SLIT2: variants seen among roughly 807,000 people sequenced by gnomAD.
The protein encoded by SLIT2 is slit homolog 2 protein.
In SLIT2, 41 loss-of-function variants were observed where a neutral mutation model predicts 185.7. The ratio of observed to expected loss-of-function variants is 0.22; its 90% confidence interval spans 0.17 to 0.29. The LOEUF (loss-of-function observed/expected upper bound fraction) is 0.29. Among genes scored for constraint, SLIT2 ranks in the 10% least tolerant of loss-of-function variants. The pLI is 1.00. For synonymous variants in SLIT2, 693 were observed against 680.2 expected (o/e 1.02, Z -0.29); for missense variants, 1,571 against 1,909.0 (o/e 0.82, Z 3.30).
At chr4:20,519,276 T>TATTG in intron 11 of SLIT2, 106 bp from the exon 12 acceptor site, 1 of 674,276 alleles carries the variant, frequency 1.5e-6, no homozygotes, top group Non-Finnish European at 2.6e-6. Flanking sequence ...TTTTATGATG[T>TATTG]ATTGATTGCC....
At chr4:20,416,663 C>T (rs1264923417) in intron 4 of SLIT2, among the ~76,000 whole-genome samples, 2 of 152,060 alleles carry the variant, frequency 1.3e-5, no homozygotes, top group African/African-American at 4.8e-5. Context: ...AAAGTGCTTA[C>T]TCTGGTGTGC....
At chr4:20,260,297 C>T (rs1712315653) in intron 3 of SLIT2, among the ~76,000 whole-genome samples, 1 of 151,408 alleles carries the variant, frequency 6.6e-6, no homozygotes, top group Non-Finnish European at 1.5e-5. Flanking sequence ...AATAAATTAG[C>T]TTTTTATTAT....
At chr4:20,343,558 C>T (rs2109240036) in intron 4 of SLIT2, among the ~76,000 whole-genome samples, 1 of 151,962 alleles carries the variant, frequency 6.6e-6, no homozygotes, top group South Asian at 2.1e-4. Flanking sequence ...CTGGAGGGCA[C>T]CGACAGCATC....
intron 4 of SLIT2, among the ~76,000 whole-genome samples, chr4:20,332,559 A>T (rs1276684306): frequency 6.6e-6 from 1 of 152,162 alleles, no homozygotes; most frequent in Non-Finnish European, 1.5e-5. Context: ...GCAGGCACCT[A>T]TAATTCCACC....
At chr4:20,532,127 CTTAGAAAA>C in intron 17 of SLIT2, 69 bp downstream of exon 17, 2 of 878,946 alleles carry the variant, frequency 2.3e-6, no homozygotes, top group South Asian at 3.4e-5. Flanking sequence ...AGTTAAGTTT[CTTAGAAAA>C]TTAGAAAATA....
chr4:20,558,420 A>C (rs535105073), intron 26 of SLIT2, among the ~76,000 whole-genome samples: 1 of 152,228 alleles, frequency 6.6e-6, no homozygotes, highest in Admixed American at 6.5e-5. Flanking sequence ...CTGAAGGCTC[A>C]GATGATCATT....
intron 2 of SLIT2, 69 bp downstream of exon 2, chr4:20,256,812 GT>G: frequency 1.4e-6 from 1 of 714,514 alleles, no homozygotes; most frequent in Non-Finnish European, 2.4e-6. Flanking sequence ...ACTGGCCTCA[GT>G]TTTTATGACT....
At chr4:20,534,881 T>G (rs1182074399) in intron 18 of SLIT2, among the ~76,000 whole-genome samples, 1 of 152,112 alleles carries the variant, frequency 6.6e-6, no homozygotes, top group Non-Finnish European at 1.5e-5. Context: ...TTCCTTGAGT[T>G]TTGCAGGAAT....
chr4:20,589,793 G>C, intron 30 of SLIT2, 56 bp downstream of exon 30: 1 of 1,223,340 alleles, frequency 8.2e-7, no homozygotes, highest in Non-Finnish European at 1.2e-6. Context: ...CATTATTTTA[G>C]GAGCCCTTCT....
In SLIT2 at chr4:20,254,135, T is replaced by C. The variant is rs1232920151; in HGVS notation, c.179+141T>C. Reference sequence around the variant, plus strand: ...CCCCATGCACATCCTGGGGTTGAGCTCTCCGGGAGGGCACTGGCCAGGGAA... The same window carrying C: ...CCCCATGCACATCCTGGGGTTGAGCCCTCCGGGAGGGCACTGGCCAGGGAA... On this transcript the variant is annotated intron_variant, in intron 1 of 36. Transcript: ENST00000504154. This position sits in a 1 kb window ranked among gnomAD's most constrained non-coding sequence, Gnocchi z 5.1. 4.7e-6 allele frequency: 4 copies of C among 850,534 alleles called. No individual in the cohort carries two copies. The highest frequency in any genetic ancestry group is 1.7e-5 in the South Asian group (1 of 58,262). The allele number at this position is 850,534 out of a possible 1,614,324, so 52.7% of individuals were successfully genotyped here. A position where few individuals can be genotyped will look rare whatever the true frequency, so the allele number is the denominator to read the frequency against.
At chr4:20,506,793 C>G (rs1044302503) in intron 9 of SLIT2, among the ~76,000 whole-genome samples, 2 of 151,932 alleles carry the variant, frequency 1.3e-5, no homozygotes, top group Non-Finnish European at 2.9e-5. Context: ...TGTTTGACAT[C>G]TGTCCATGGT....
At chr4:20,357,328 C>T (rs959732216) in intron 4 of SLIT2, among the ~76,000 whole-genome samples, 2 of 152,034 alleles carry the variant, frequency 1.3e-5, no homozygotes, top group African/African-American at 4.8e-5. Flanking sequence ...GTTTGTTAGT[C>T]CTAAGAGGCT....
At chr4:20,256,540 C>G (rs1436023287) in intron 1 of SLIT2, 132 bp from the exon 2 acceptor site, 1 of 527,530 alleles carries the variant, frequency 1.9e-6, no homozygotes, top group Non-Finnish European at 3.4e-6. Flanking sequence ...TTATCCTCTT[C>G]TCCTTCCTAC....
intron 29 of SLIT2, among the ~76,000 whole-genome samples, chr4:20,585,591 C>G (rs1284734719): frequency 6.6e-6 from 1 of 152,184 alleles, no homozygotes. Context: ...AACCACATTG[C>G]CCCAAACCAC....
At chr4:20,432,522 CT>C (rs59431145) in intron 4 of SLIT2, among the ~76,000 whole-genome samples, 33,104 of 141,746 alleles carry the variant, frequency 0.23, 3,925 homozygotes, top group African/African-American at 0.32. Flanking sequence ...GACTGTCTGC[CT>C]TTTTTTTTTT....
intron 7 of SLIT2, among the ~76,000 whole-genome samples, chr4:20,488,369 A>C (rs1280311242): frequency 1.3e-5 from 2 of 152,170 alleles, no homozygotes; most frequent in Non-Finnish European, 2.9e-5. Flanking sequence ...GTCCTGCTGC[A>C]AAGGTTTTAT....
chr4:20,463,491 ATG>A (rs1337282350), intron 4 of SLIT2, among the ~76,000 whole-genome samples: 46 of 96,220 alleles, frequency 4.8e-4, no homozygotes, highest in Non-Finnish European at 7.1e-4. Context: ...ATATATATAT[ATG>A]TGTGTGTGCG....
intron 3 of SLIT2, among the ~76,000 whole-genome samples, chr4:20,261,339 G>A (rs1184707767): frequency 6.6e-6 from 1 of 151,856 alleles, no homozygotes; most frequent in Non-Finnish European, 1.5e-5. Context: ...AGGACACTTA[G>A]GAAGTATATT....
chr4:20,364,199 T>C, intron 4 of SLIT2: 1 of 848,592 alleles, frequency 1.2e-6, no homozygotes, highest in Non-Finnish European at 1.4e-6. Flanking sequence ...GGATGGAGCA[T>C]TTGTGCCCTG....
Sources: gnomAD v4.1 joint callset for allele counts (sites outside exome capture counted in the v4.1 genomes callset) on GRCh38, gnomAD v4.1.1 for gene constraint, Gnocchi (gnomAD v3.1) non-coding constraint, MANE v1.5 for transcripts, NCBI Gene and HGNC (gene_info 2026-07-23, HGNC 2026-07-21) for gene names.